Variants in LRP5 observed in about 807,000 individuals in gnomAD.
LRP5 encodes low-density lipoprotein receptor-related protein 5.
LRP5 carries 62 observed loss-of-function variants against 154.1 expected under a neutral mutation model. That is an observed-to-expected ratio of 0.40 (90% CI 0.33 to 0.50). LRP5 has a LOEUF of 0.50. LRP5 is among the 20% of genes least tolerant of loss of function. The pLI, the probability that LRP5 is intolerant of heterozygous loss-of-function variation, is 0.55. For synonymous variants in LRP5, 966 were observed against 1,011.5 expected, an observed-to-expected ratio of 0.96 and a Z score of 0.85; for missense variants, 1,915 against 2,336.7, an observed-to-expected ratio of 0.82 and a Z score of 3.72.
intron 3 of LRP5, 83 bp from the exon 4 acceptor site, chr11:68,363,664 A>G (rs1449848901): frequency 8.2e-7 from 1 of 1,225,448 alleles, no homozygotes; most frequent in Non-Finnish European, 1.2e-6. Context: ...CTCAAAAAAA[A>G]AAAAAGAAAT....
At chr11:68,340,232 C>T (rs2098608153) in intron 1 of LRP5, among the ~76,000 whole-genome samples, 1 of 152,058 alleles carries the variant, frequency 6.6e-6, no homozygotes, top group Non-Finnish European at 1.5e-5. Context: ...TAGAGTGAAA[C>T]TCCGTCTCAA....
At chr11:68,443,589 T>G (rs970907686) in intron 21 of LRP5, among the ~76,000 whole-genome samples, 1 of 33,384 alleles carries the variant, frequency 3.0e-5, no homozygotes, top group Non-Finnish European at 6.6e-5. Flanking sequence ...ATATATATTT[T>G]TTTTTTTTTT....
chr11:68,352,273 G>A (rs963497074), intron 2 of LRP5, among the ~76,000 whole-genome samples: 2 of 152,166 alleles, frequency 1.3e-5, no homozygotes, highest in Admixed American at 6.5e-5. Context: ...CTGCATGTAG[G>A]TTCGATAAAA....
intron 8 of LRP5, chr11:68,404,041 C>A (rs993999026): frequency 2.9e-5 from 13 of 454,416 alleles, no homozygotes; most frequent in African/African-American, 2.5e-4. Flanking sequence ...GGGAGCAGGA[C>A]GCAGAGCCGT....
chr11:68,380,152 GCTT>G (rs1173049180), intron 5 of LRP5, among the ~76,000 whole-genome samples: 1 of 152,190 alleles, frequency 6.6e-6, no homozygotes, highest in African/African-American at 2.4e-5. Flanking sequence ...AGTCACACAC[GCTT>G]CTTGTACGAG....
Position 68,413,630 on chromosome 11 carries a change from G to T in LRP5, c.2504-59G>T, listed in dbSNP as rs966794377. ...ACCCTGGCTCACCCCGCAGGGCGCC[G>T]TGTGCTCTGTGGCCTGGCTGTGCCT... On this transcript the variant is annotated intron_variant, in intron 11 of 22. Transcript: ENST00000294304. This position sits in a 1 kb window ranked among gnomAD's most constrained non-coding sequence, Gnocchi z 5.1. 3.7e-5 allele frequency: 55 copies of T among 1,499,914 alleles called. No individual in the cohort carries two copies. The highest frequency in any genetic ancestry group is 4.8e-5 in the Non-Finnish European group (52 of 1,078,394). 92.9% of individuals were successfully genotyped at this position (1,499,914 alleles called of 1,614,324 possible). A position where few individuals can be genotyped will look rare whatever the true frequency, so the allele number is the denominator to read the frequency against.
intron 19 of LRP5, among the ~76,000 whole-genome samples, chr11:68,438,099 C>T (rs1274714921): frequency 6.6e-6 from 1 of 152,222 alleles, no homozygotes; most frequent in Non-Finnish European, 1.5e-5. Flanking sequence ...TGCTCGTTCA[C>T]CAACATCACC....
intron 9 of LRP5, among the ~76,000 whole-genome samples, chr11:68,408,415 A>AT (rs2098656977): frequency 6.6e-6 from 1 of 152,016 alleles, no homozygotes; most frequent in Non-Finnish European, 1.5e-5. Flanking sequence ...GCTTTAAAAG[A>AT]TTTTTTATGA....
intron 1 of LRP5, among the ~76,000 whole-genome samples, chr11:68,343,619 G>C (rs568945366): frequency 2.6e-5 from 4 of 152,294 alleles, no homozygotes; most frequent in Non-Finnish European, 5.9e-5. Context: ...CCGTGTGGGG[G>C]CTGCCTGGCC....
intron 2 of LRP5, among the ~76,000 whole-genome samples, chr11:68,351,689 C>A (rs770361936): frequency 6.6e-6 from 1 of 152,176 alleles, no homozygotes; most frequent in Non-Finnish European, 1.5e-5. Flanking sequence ...CCCCACGCAG[C>A]GGGTATAGCC....
chr11:68,445,546 G>A (rs781608865), intron 21 of LRP5: 3 of 1,265,096 alleles, frequency 2.4e-6, no homozygotes, highest in Non-Finnish European at 3.1e-6. Flanking sequence ...GGGCATAACT[G>A]ACAGTTCTGT....
intron 2 of LRP5, among the ~76,000 whole-genome samples, 158 bp downstream of exon 2, chr11:68,348,401 G>A (rs941034125): frequency 1.5e-5 from 2 of 130,554 alleles, no homozygotes; most frequent in African/African-American, 5.3e-5. Flanking sequence ...CCCAGCACTC[G>A]GTGTGACTCT....
the LRP5 span, among the ~76,000 whole-genome samples, chr11:68,305,126 C>T: frequency 1.3e-5 from 2 of 151,940 alleles, no homozygotes; most frequent in Non-Finnish European, 2.9e-5. Context: ...CTGTAATTCC[C>T]AATGTTGGGG....
intron 1 of LRP5, among the ~76,000 whole-genome samples, chr11:68,341,031 CTAGTT>C (rs1198259167): frequency 7.4e-6 from 1 of 135,712 alleles, no homozygotes; most frequent in African/African-American, 2.9e-5. Context: ...AGACAATAGT[CTAGTT>C]ACCCCTGCCG....
intron 12 of LRP5, 45 bp downstream of exon 12, chr11:68,414,057 A>C: frequency 3.2e-6 from 5 of 1,560,602 alleles, no homozygotes; most frequent in Non-Finnish European, 4.4e-6. Context: ...TCGTTAGATC[A>C]GGCTGGTTCT....
In LRP5 at chr11:68,347,965, C is replaced by A. The variant is rs771043544; in HGVS notation, c.210C>A (p.Phe70Leu). The change falls in exon 2 of 23, where the codon TTC becomes TTA. Residue 70 changes from phenylalanine to leucine, a missense_variant. Coordinates refer to ENST00000294304, the MANE Select transcript of LRP5 (RefSeq NM_002335.4). ...SGLEDAAAVD[F>L]QFSKGAVYWT... ...TGGAGGATGCGGCCGCAGTGGACTT[C>A]CAGTTTTCCAAGGGAGCCGTGTACT... The A allele has an allele frequency of 1.4e-5, 22 of 1,614,136 alleles. No individual in the cohort carries two copies. Among genetic ancestry groups the A allele is most frequent in the Non-Finnish European group, 1.7e-5 (20 of 1,180,030 alleles).
intron 16 of LRP5, among the ~76,000 whole-genome samples, chr11:68,428,264 G>A (rs2098669976): frequency 2.6e-5 from 4 of 152,040 alleles, no homozygotes; most frequent in Admixed American, 2.6e-4. Context: ...CAAAGTGCTG[G>A]GATTACAGGC....
intron 21 of LRP5, among the ~76,000 whole-genome samples, 159 bp from the exon 22 acceptor site, chr11:68,446,277 C>T (rs1240715764): frequency 6.6e-6 from 1 of 152,224 alleles, no homozygotes; most frequent in African/African-American, 2.4e-5. Context: ...GCTGCCTCCC[C>T]TCCTGTCCCC....
intron 5 of LRP5, among the ~76,000 whole-genome samples, chr11:68,378,421 C>T (rs2098638562): frequency 6.6e-6 from 1 of 152,054 alleles, no homozygotes; most frequent in South Asian, 2.1e-4. Flanking sequence ...ACCGAATGAG[C>T]CGTCGGTACC....
Sources: gnomAD v4.1 joint callset for allele counts (sites outside exome capture counted in the v4.1 genomes callset) on GRCh38, gnomAD v4.1.1 for gene constraint, Gnocchi (gnomAD v3.1) non-coding constraint, MANE v1.5 for transcripts, NCBI Gene and HGNC (gene_info 2026-07-23, HGNC 2026-07-21) for gene names.